Variants in HIVEP1 observed in about 807,000 individuals in gnomAD.
HIVEP1 encodes the protein zinc finger protein 40.
HIVEP1 carries 36 observed loss-of-function variants against 180.0 expected under a neutral mutation model. That is an observed-to-expected ratio of 0.20 (90% CI 0.15 to 0.26). HIVEP1 has a LOEUF of 0.26. Ranked by LOEUF, HIVEP1 falls within the 10% of genes least tolerant of loss-of-function variation. The pLI, the probability that HIVEP1 is intolerant of heterozygous loss-of-function variation, is 1.00. For synonymous variants in HIVEP1, 1,239 were observed against 1,239.0 expected (o/e 1.00, Z 0.00); for missense variants, 3,143 against 3,268.7 (o/e 0.96, Z 0.94).
chr6:12,121,285 A>G lies in HIVEP1; in HGVS notation c.1490A>G (p.Glu497Gly), dbSNP rs746586060. ...SDVEDSGESE[E>G]EGATDERQHD... is the part of the protein sequence containing the mutation. ...GTAGAAGACAGTGGGGAGAGCGAGG[A>G]GGAAGGCGCCACTGATGAGAGACAG... Residue 497 changes from glutamate to glycine, a missense_variant, in exon 4 of 9, where the codon GAG becomes GGG. Glu to Gly is a moderately conservative substitution (Grantham distance 98). Coordinates refer to ENST00000379388, the MANE Select transcript of HIVEP1 (RefSeq NM_002114.4). This position sits in a 1 kb window ranked among gnomAD's most constrained non-coding sequence, Gnocchi z 5.3. 1.1e-5 allele frequency: 18 copies of G among 1,614,144 alleles called. No individual in the cohort carries two copies. The highest frequency in any genetic ancestry group is 1.5e-5 in the Non-Finnish European group (18 of 1,180,022).
At chr6:12,134,954 T>C (rs1198999234) in intron 6 of HIVEP1, among the ~76,000 whole-genome samples, 8 of 152,230 alleles carry the variant, frequency 5.3e-5, no homozygotes, top group Admixed American at 5.2e-4. Flanking sequence ...AAATAGTTTT[T>C]CATAGTCAAG....
chr6:12,046,326 G>C (rs949626203), intron 2 of HIVEP1, among the ~76,000 whole-genome samples: 4 of 152,172 alleles, frequency 2.6e-5, no homozygotes, highest in Admixed American at 6.5e-5. Flanking sequence ...TTCTGGACCT[G>C]TTCAACTCTC....
At chr6:12,113,369 G>A (rs1775023901) in intron 3 of HIVEP1, among the ~76,000 whole-genome samples, 1 of 151,628 alleles carries the variant, frequency 6.6e-6, no homozygotes, top group Non-Finnish European at 1.5e-5. Context: ...TCATGCTGAG[G>A]AGATGGCAAG....
chr6:12,012,544 T>G lies in HIVEP1; in HGVS notation c.-126T>G, dbSNP rs1767415361. The G allele has an allele frequency of 1.4e-5, 2 of 147,066 alleles. No individual in the cohort carries two copies. Among genetic ancestry groups the G allele is most frequent in the African/African-American group, 2.5e-5 (1 of 40,128 alleles). The allele number at this position is 147,066 out of a possible 1,614,324, so 9.1% of individuals were successfully genotyped here. A position where few individuals can be genotyped will look rare whatever the true frequency, so the allele number is the denominator to read the frequency against. On this transcript the variant is annotated 5_prime_UTR_variant, in exon 1 of 9. Coordinates refer to ENST00000379388, the MANE Select transcript of HIVEP1 (RefSeq NM_002114.4). ...CAGGGCCGGCTGCAGCGGCAGCGGC[T>G]CCGCCGGGCGTCCTGGCAGCAGGTT...
At chr6:12,154,019 A>G (rs892962966) in intron 7 of HIVEP1, among the ~76,000 whole-genome samples, 8 of 152,202 alleles carry the variant, frequency 5.3e-5, no homozygotes, top group African/African-American at 1.9e-4. Context: ...ATGGTGGCGG[A>G]TGCCTGTGAT....
At chr6:12,032,732 G>A (rs1769036420) in intron 2 of HIVEP1, among the ~76,000 whole-genome samples, 1 of 152,186 alleles carries the variant, frequency 6.6e-6, no homozygotes, top group Non-Finnish European at 1.5e-5. Context: ...AAAGTTTGTG[G>A]TTGTGGGTGT....
At chr6:12,198,396 T>C in the HIVEP1 span, among the ~76,000 whole-genome samples, 1 of 152,116 alleles carries the variant, frequency 6.6e-6, no homozygotes, top group South Asian at 2.1e-4. Flanking sequence ...GACAGAAAAG[T>C]TAAAGGAGAA....
intron 7 of HIVEP1, among the ~76,000 whole-genome samples, chr6:12,153,972 A>AC (rs1258747660): frequency 6.6e-6 from 1 of 152,152 alleles, no homozygotes. Flanking sequence ...ACATGGTGAA[A>AC]CCCCGTCTCT....
At chr6:12,029,493 T>A (rs1328581951) in intron 2 of HIVEP1, among the ~76,000 whole-genome samples, 1 of 152,230 alleles carries the variant, frequency 6.6e-6, no homozygotes, top group African/African-American at 2.4e-5. Context: ...GCTTCATACT[T>A]TTGTTCCTCT....
the HIVEP1 span, among the ~76,000 whole-genome samples, chr6:12,174,007 G>T: frequency 3.3e-5 from 5 of 152,254 alleles, no homozygotes; most frequent in East Asian, 9.6e-4. Context: ...TAATACATTT[G>T]AATTTATTTA....
At chr6:12,009,027 C>CGGAGGGCGGAGG (rs1561846212), upstream of HIVEP1, among the ~76,000 whole-genome samples, 1 of 151,340 alleles carries the variant, frequency 6.6e-6, no homozygotes, top group Non-Finnish European at 1.5e-5. Context: ...GCCCAGCGCG[C>CGGAGGGCGGAGG]GCGGAGGGCG....
chr6:12,193,335 A>T, the HIVEP1 span, among the ~76,000 whole-genome samples: 2 of 152,198 alleles, frequency 1.3e-5, no homozygotes, highest in Non-Finnish European at 2.9e-5. Context: ...TATGAATATT[A>T]TTGTCAATAT....
intron 3 of HIVEP1, among the ~76,000 whole-genome samples, chr6:12,105,350 A>G (rs1328933358): frequency 1.3e-5 from 2 of 152,216 alleles, no homozygotes; most frequent in African/African-American, 2.4e-5. Context: ...TTAGATTGTC[A>G]GAACCGCCCA....
chr6:12,051,415 A>G (rs1015029295), intron 2 of HIVEP1, among the ~76,000 whole-genome samples: 8 of 152,170 alleles, frequency 5.3e-5, no homozygotes, highest in Admixed American at 2.6e-4. Flanking sequence ...TAGCATCTAG[A>G]AAACAAGATA....
At chr6:12,119,324 G>A (rs1428805544) in intron 3 of HIVEP1, among the ~76,000 whole-genome samples, 1 of 152,220 alleles carries the variant, frequency 6.6e-6, no homozygotes, top group African/African-American at 2.4e-5. Flanking sequence ...AAATTCGGAG[G>A]GAGTTGGTGT....
chr6:12,083,020 T>A (rs1044715054), intron 2 of HIVEP1, among the ~76,000 whole-genome samples: 5 of 152,190 alleles, frequency 3.3e-5, no homozygotes, highest in Non-Finnish European at 1.5e-5. Context: ...TTAAGATATG[T>A]ATTCATTATA....
In HIVEP1 at chr6:12,121,176, A is replaced by C; in HGVS notation, c.1381A>C (p.Lys461Gln). ...KHKKSHAHTI[K>Q]LGLVLQPDAG... ...CAAGAAATCCCACGCACATACTATC[A>C]AACTGGGTCTTGTCTTGCAACCAGA... is the stretch of plus-strand genomic sequence containing the variant. Residue 461 changes from lysine (K) to glutamine (Q), a missense_variant, in exon 4 of 9, where the codon AAA (lysine) becomes CAA (glutamine). Lys to Gln is a moderately conservative substitution (Grantham distance 53, BLOSUM62 1). Around this residue, in one of 12 missense-constraint regions of HIVEP1, gnomAD observed 365 missense variants for 344.4 expected, o/e 1.06. Transcript: ENST00000379388. This position sits in a 1 kb window ranked among gnomAD's most constrained non-coding sequence, Gnocchi z 5.3. The C allele has an allele frequency of 6.2e-7, 1 of 1,614,158 alleles. No homozygotes were observed. Among genetic ancestry groups the C allele is most frequent in the Non-Finnish European group, 8.5e-7 (1 of 1,180,034 alleles).
downstream of HIVEP1, among the ~76,000 whole-genome samples, chr6:12,166,378 A>G (rs898132670): frequency 2.6e-5 from 4 of 152,164 alleles, no homozygotes; most frequent in African/African-American, 9.7e-5. Flanking sequence ...TTACGATGTG[A>G]GTGGATGTTC....
downstream of HIVEP1, among the ~76,000 whole-genome samples, chr6:12,168,708 C>T (rs778174264): frequency 6.6e-6 from 1 of 151,892 alleles, no homozygotes; most frequent in African/African-American, 2.4e-5. Context: ...GTGATTGTAA[C>T]CACAAACACA....
Sources: allele counts gnomAD v4.1 joint callset (sites outside exome capture counted in the v4.1 genomes callset), GRCh38; gene constraint gnomAD v4.1.1; regional missense constraint gnomAD v4.1.1; non-coding constraint Gnocchi (gnomAD v3.1); transcripts MANE v1.5; gene names NCBI Gene and HGNC (gene_info 2026-07-23, HGNC 2026-07-21).